Variants in LMTK3 observed in about 807,000 individuals in gnomAD.
LMTK3 encodes the protein serine/threonine-protein kinase LMTK3.
Under a neutral mutation model 116.7 loss-of-function variants are expected in LMTK3, and 27 were observed. The ratio of observed to expected loss-of-function variants is 0.23; its 90% CI spans 0.17 to 0.32. LMTK3 has a LOEUF of 0.32. LMTK3 is among the 10% of genes least tolerant of loss of function. LMTK3 has a pLI of 1.00. For missense variants in LMTK3, 1,764 were observed against 2,068.5 expected (o/e 0.85, Z 2.86); for synonymous variants, 965 against 971.0 (o/e 0.99, Z 0.11).
At chr19:48,487,886 T>TG (rs1235700135) in intron 14 of LMTK3, among the ~76,000 whole-genome samples, 1 of 152,084 alleles carries the variant, frequency 6.6e-6, no homozygotes, top group Non-Finnish European at 1.5e-5. Flanking sequence ...ATGGAGACTT[T>TG]GGGGTATGTG....
chr19:48,508,706 G>A lies in LMTK3; in HGVS notation c.557+145C>T, dbSNP rs940708793. 50 of 704,194 alleles carry A rather than the reference G, an allele frequency of 7.1e-5. No individual in the cohort carries two copies. The African/African-American group carries it at 7.3e-4, about 10-fold the overall frequency. The allele number at this position is 704,194 out of a possible 1,614,324, so 43.6% of individuals were successfully genotyped here. A position where few individuals can be genotyped will look rare whatever the true frequency, so the allele number is the denominator to read the frequency against. On this transcript the variant is annotated intron_variant, in intron 5 of 14. Transcript: ENST00000600059. ...CCACCCTTAGCTCGGTCCAGAGGAA[G>A]AACCTGAGGTTCAGGGAGGGAAGTT...
rs1341969649 is a variant in LMTK3, at chr19:48,498,961, G to T, written c.2108C>A (p.Pro703His). The T allele has an allele frequency of 1.5e-6, 2 of 1,327,638 alleles. No individual in the cohort carries two copies. Among genetic ancestry groups the T allele is most frequent in the East Asian group, 6.2e-5 (2 of 32,502 alleles). 82.2% of individuals were successfully genotyped at this position (1,327,638 alleles called of 1,614,324 possible). A position where few individuals can be genotyped will look rare whatever the true frequency, so the allele number is the denominator to read the frequency against. Residue 703 changes from proline to histidine, a missense_variant, in exon 11 of 15, where the codon CCC becomes CAC. Coordinates refer to ENST00000600059, the MANE Select transcript of LMTK3 (RefSeq NM_001388485.1). ...GGHPALGCPH[P>H]PEDDSSLRAE... ...CCGCAGCGAGGAGTCGTCCTCGGGG[G>T]GGTGGGGGCAGCCAAGAGCAGGGTG...
intron 5 of LMTK3, among the ~76,000 whole-genome samples, chr19:48,503,493 C>T (rs1206708253): frequency 6.6e-6 from 1 of 152,052 alleles, no homozygotes; most frequent in African/African-American, 2.4e-5. Context: ...TTTACCTCTC[C>T]TTCCTCCTTA....
In LMTK3 at chr19:48,485,550, C is replaced by T. The variant is rs1972106552; in HGVS notation, c.*223G>A. On this transcript the variant is annotated 3_prime_UTR_variant, in exon 15 of 15. Transcript: ENST00000600059. ...GGGGGGATTCCTGCCTCATTTGGCT[C>T]CGAGGGGGTCAGGGGGGTCAGGGGA... The T allele has an allele frequency of 5.1e-5, 24 of 469,714 alleles. No homozygotes were observed. Among genetic ancestry groups the T allele is most frequent in the South Asian group, 5.0e-4 (23 of 46,456 alleles). 29.1% of individuals were successfully genotyped at this position (469,714 alleles called of 1,614,324 possible).
In LMTK3 at chr19:48,498,758, CG is replaced by C; in HGVS notation, c.2310del (p.Asp771ThrfsTer87). 1.1e-6 allele frequency: 1 copy of C among 937,916 alleles called. No homozygotes were observed. The highest frequency in any genetic ancestry group is 1.3e-6 in the Non-Finnish European group (1 of 770,506). The allele number at this position is 937,916 out of a possible 1,614,324, so 58.1% of individuals were successfully genotyped here. ...PRAPADPAAS[P>X]DPPSAVASPG... ...GGACTGGCCACGGCCGAAGGGGGGT[CG>C]GGGGACGCGGCCGGGTCCGCGGGGG... On this transcript the variant is annotated frameshift_variant, in exon 11 of 15. Transcript: ENST00000600059. LOFTEE classifies it high-confidence loss of function.
Position 48,491,082 on chromosome 19 carries a change from A to G in LMTK3, c.4366+26T>C. The G allele has an allele frequency of 7.6e-7, 1 of 1,318,912 alleles. No individual in the cohort carries two copies. Among genetic ancestry groups the G allele is most frequent in the Non-Finnish European group, 9.7e-7 (1 of 1,033,058 alleles). 81.7% of individuals were successfully genotyped at this position (1,318,912 alleles called of 1,614,324 possible). A position where few individuals can be genotyped will look rare whatever the true frequency, so the allele number is the denominator to read the frequency against. Reference sequence around the variant, plus strand: ...ATAGGGGGACAGAGATGGGCAGAGGAGGGGGCAGGGCCGAGGATATGGTAC... The same window carrying G: ...ATAGGGGGACAGAGATGGGCAGAGGGGGGGGCAGGGCCGAGGATATGGTAC... On this transcript the variant is annotated intron_variant, in intron 14 of 14. Coordinates refer to ENST00000600059, the MANE Select transcript of LMTK3 (RefSeq NM_001388485.1). This position sits in a 1 kb window ranked among gnomAD's most constrained non-coding sequence, Gnocchi z 5.1.
In LMTK3 at chr19:48,493,676, C is replaced by G; in HGVS notation, c.4092+18G>C. 6.4e-7 allele frequency: 1 copy of G among 1,555,582 alleles called. No homozygotes were observed. Among genetic ancestry groups the G allele is most frequent in the Non-Finnish European group, 8.7e-7 (1 of 1,151,290 alleles). The stretch of plus-strand genomic sequence containing the variant: ...TCCAGGCCGCGACCCCGAAACCGCG[C>G]CCTCTCGGGTTCCGCACCTGGTCGA... On this transcript the variant is annotated intron_variant, in intron 12 of 14. Coordinates refer to ENST00000600059, the MANE Select transcript of LMTK3 (RefSeq NM_001388485.1).
At chr19:48,505,198 C>G (rs1401131623) in intron 5 of LMTK3, among the ~76,000 whole-genome samples, 2 of 144,670 alleles carry the variant, frequency 1.4e-5, no homozygotes, top group African/African-American at 5.1e-5. Context: ...ACTGCAACCT[C>G]CATCTCCCGG....
intron 3 of LMTK3, 116 bp from the exon 4 acceptor site, chr19:48,509,629 T>G (rs893458322): frequency 2.4e-6 from 2 of 847,846 alleles, no homozygotes; most frequent in Non-Finnish European, 3.7e-6. Flanking sequence ...TTTCATTGGC[T>G]GCCACCCACA....
Position 48,498,825 on chromosome 19 carries a change from C to A in LMTK3, c.2244G>T (p.Gly748=). ...GCGGGGGGGGGGGAGCGGGAGGTGG[C>A]CCCCGCCCGGGGTACTGGGGCGCCG... ...GAAAPQYPGR[G]PPPAPPPPPP... The change falls in exon 11 of 15, where the codon GGG becomes GGT. Residue 748 remains glycine (G), a synonymous_variant. Transcript: ENST00000600059. 1 of 1,254,460 alleles carries A rather than the reference C, an allele frequency of 8.0e-7. No homozygotes were observed. Among genetic ancestry groups the A allele is most frequent in the East Asian group, 3.2e-5 (1 of 31,696 alleles). 77.7% of individuals were successfully genotyped at this position (1,254,460 alleles called of 1,614,324 possible). A position where few individuals can be genotyped will look rare whatever the true frequency, so the allele number is the denominator to read the frequency against.
chr19:48,495,640 C>T (rs1400124926), intron 11 of LMTK3, among the ~76,000 whole-genome samples: 3 of 152,220 alleles, frequency 2.0e-5, no homozygotes, highest in Non-Finnish European at 2.9e-5. Context: ...CGTCCTCTGT[C>T]CAGCCCACTT....
rs771774501 is a variant in LMTK3 at position 48,485,766 on chromosome 19, C to T, written c.*7G>A. 4 of 1,610,366 alleles carry T rather than the reference C, an allele frequency of 2.5e-6. No homozygotes were observed. The highest frequency in any genetic ancestry group is 2.2e-5 in the East Asian group (1 of 44,714). On this transcript the variant is annotated 3_prime_UTR_variant, in exon 15 of 15. Coordinates refer to ENST00000600059, the MANE Select transcript of LMTK3 (RefSeq NM_001388485.1). ...TGAGGGTGCAGCGGGGTCGGGTCTT[C>T]GGGGAATCAATTCTCCACGGGGCCT...
rs550515986 is a variant in LMTK3 at position 48,496,775 on chromosome 19, G to T, written c.3676+618C>A. Among the ~76,000 whole-genome samples the T allele has an allele frequency of 6.3e-4, 96 of 152,380 alleles. 1 individual carries two copies. In the South Asian group the frequency reaches 0.012, roughly 18 times the overall value. On this transcript the variant is annotated intron_variant, in intron 11 of 14. Coordinates refer to ENST00000600059, the MANE Select transcript of LMTK3 (RefSeq NM_001388485.1). ...GCTTATTAAGTTTAAATCAGCACAC[G>T]CTGGCAGCCTGGGGCCCTTGAGCCA...
chr19:48,491,509 C>G lies in LMTK3; in HGVS notation c.4123G>C (p.Ala1375Pro), dbSNP rs768903682. 1 of 1,399,552 alleles carries G rather than the reference C, an allele frequency of 7.1e-7. No homozygotes were observed. The highest frequency in any genetic ancestry group is 2.0e-4 in the Middle Eastern group (1 of 5,086). The allele number at this position is 1,399,552 out of a possible 1,614,324, so 86.7% of individuals were successfully genotyped here. A position where few individuals can be genotyped will look rare whatever the true frequency, so the allele number is the denominator to read the frequency against. The change falls in exon 13 of 15, where the codon GCC becomes CCC. Residue 1375 changes from alanine (A) to proline (P), a missense_variant. Ala to Pro is a conservative substitution (Grantham distance 27, BLOSUM62 -1). Coordinates refer to ENST00000600059, the MANE Select transcript of LMTK3 (RefSeq NM_001388485.1). The surrounding 1 kb of genome is among the most constrained non-coding windows in gnomAD (Gnocchi z 5.1). ...ETPTNELSVQ[A>P]PPEGDTDPST... ...GGGTCCGTGTCCCCCTCGGGGGGGG[C>G]CTGGACGCTCAGCTCGTTGGTTGGC...
intron 10 of LMTK3, 42 bp from the exon 11 acceptor site, chr19:48,499,959 G>C (rs1972433207): frequency 5.3e-6 from 8 of 1,523,006 alleles, no homozygotes; most frequent in Non-Finnish European, 7.0e-6. Context: ...AGAGACCCAG[G>C]GAGGGGAAAG....
chr19:48,502,807 C>T, intron 6 of LMTK3, 102 bp downstream of exon 6: 4 of 936,180 alleles, frequency 4.3e-6, no homozygotes, highest in Non-Finnish European at 6.7e-6. Flanking sequence ...ACATCATCTA[C>T]GATGATGATG....
chr19:48,507,194 C>T (rs1350502499), intron 5 of LMTK3, among the ~76,000 whole-genome samples: 1 of 152,204 alleles, frequency 6.6e-6, no homozygotes, highest in Non-Finnish European at 1.5e-5. Context: ...CACTGCACAC[C>T]CACGAATCTG....
rs1466149654 is a variant in LMTK3 at position 48,498,580 on chromosome 19, G to C, written c.2489C>G (p.Pro830Arg). The C allele has an allele frequency of 6.4e-7, 1 of 1,553,598 alleles. No individual in the cohort carries two copies. The highest frequency in any genetic ancestry group is 8.7e-7 in the Non-Finnish European group (1 of 1,148,830). Reference sequence around the variant, plus strand: ...GTCTGGAGGTGGCCGGGGCGCTCCTGGGTCGGGTGGCTCGGGGGGAGCCCG... The same window carrying C: ...GTCTGGAGGTGGCCGGGGCGCTCCTCGGTCGGGTGGCTCGGGGGGAGCCCG... The part of the protein sequence containing the change: ...RPRAPPEPPD[P>R]GAPRPPPDPG... Residue 830 changes from proline to arginine, a missense_variant, in exon 11 of 15, where the codon CCA becomes CGA. By Grantham distance (103) the Pro-to-Arg change is moderately radical (BLOSUM62 -2). Coordinates refer to ENST00000600059, the MANE Select transcript of LMTK3 (RefSeq NM_001388485.1).
At chr19:48,485,919 G>A (rs1972114668) in intron 14 of LMTK3, 130 bp from the exon 15 acceptor site, 9 of 880,342 alleles carry the variant, frequency 1.0e-5, no homozygotes, top group Middle Eastern at 2.3e-4. Flanking sequence ...TTCCCTCTCT[G>A]TCCTCACCTA....
Sources: gnomAD v4.1 joint callset for allele counts (sites outside exome capture counted in the v4.1 genomes callset) on GRCh38, gnomAD v4.1.1 for gene constraint, Gnocchi (gnomAD v3.1) non-coding constraint, MANE v1.5 for transcripts, NCBI Gene and HGNC (gene_info 2026-07-23, HGNC 2026-07-21) for gene names.